The following PSPC1 variants were observed in gnomAD, a reference collection of about 807,000 sequenced individuals.
The protein encoded by PSPC1 is paraspeckle protein 1.
PSPC1 carries 14 observed loss-of-function variants against 51.6 expected under a neutral mutation model. The ratio of observed to expected loss-of-function variants is 0.27; its 90% CI spans 0.18 to 0.42. The LOEUF (loss-of-function observed/expected upper bound fraction) is 0.42. Among genes scored for constraint, PSPC1 ranks in the 10% least tolerant of loss-of-function variants. PSPC1 has a pLI of 1.00. For missense variants in PSPC1, 406 were observed against 701.1 expected (o/e 0.58, Z 4.75); for synonymous variants, 193 against 231.9 (o/e 0.83, Z 1.53).
At chr13:19,693,554 T>C (rs538591921) in intron 6 of PSPC1, among the ~76,000 whole-genome samples, 5 of 152,202 alleles carry the variant, frequency 3.3e-5, no homozygotes, top group South Asian at 2.1e-4. Context: ...AATAAATAAA[T>C]AAACAAGATA....
intron 5 of PSPC1, among the ~76,000 whole-genome samples, chr13:19,730,928 C>CA (rs375715028): frequency 1.1e-4 from 13 of 117,230 alleles, no homozygotes; most frequent in African/African-American, 4.1e-4. Flanking sequence ...GACTGGGCAA[C>CA]AGTGAGACCC....
chr13:19,742,928 A>G (rs112142817), intron 4 of PSPC1, among the ~76,000 whole-genome samples: 4 of 152,094 alleles, frequency 2.6e-5, no homozygotes, highest in Non-Finnish European at 4.4e-5. Flanking sequence ...CTTACGAAGA[A>G]GAGTGAGGAG....
intron 6 of PSPC1, among the ~76,000 whole-genome samples, chr13:19,715,043 CCACTA>C (rs1337651727): frequency 4.6e-5 from 7 of 152,140 alleles, no homozygotes; most frequent in African/African-American, 7.2e-5. Context: ...ACCATTCTTC[CCACTA>C]CACTAAAGGG....
chr13:19,770,411 GCAC>G (rs1566050719), intron 2 of PSPC1, among the ~76,000 whole-genome samples: 1 of 152,166 alleles, frequency 6.6e-6, no homozygotes, highest in Non-Finnish European at 1.5e-5. Flanking sequence ...TGTAATCCCA[GCAC>G]TTTGGGAGGC....
intron 5 of PSPC1, among the ~76,000 whole-genome samples, chr13:19,735,194 C>A (rs1490767158): frequency 6.6e-6 from 1 of 151,604 alleles, no homozygotes; most frequent in Non-Finnish European, 1.5e-5. Flanking sequence ...CGCCTATAAT[C>A]CCAGCTACTC....
chr13:19,729,853 T>G (rs1883832862), intron 6 of PSPC1, among the ~76,000 whole-genome samples: 1 of 152,184 alleles, frequency 6.6e-6, no homozygotes, highest in Non-Finnish European at 1.5e-5. Flanking sequence ...ATTGGCCATA[T>G]GTTTATAAGT....
downstream of PSPC1, chr13:19,674,707 CAT>C (rs1206309233): frequency 6.6e-6 from 1 of 152,188 alleles, no homozygotes. Flanking sequence ...AAGCAGGAGA[CAT>C]AGAGCAGACT....
At chr13:19,717,038 C>T (rs546617865) in intron 6 of PSPC1, among the ~76,000 whole-genome samples, 4 of 148,298 alleles carry the variant, frequency 2.7e-5, no homozygotes, top group African/African-American at 9.9e-5. Context: ...AAAAGCTTGG[C>T]GACACAGCAA....
At chr13:19,769,794 T>G (rs2138286395) in intron 2 of PSPC1, among the ~76,000 whole-genome samples, 1 of 152,088 alleles carries the variant, frequency 6.6e-6, no homozygotes, top group African/African-American at 2.4e-5. Flanking sequence ...AAACACCAAG[T>G]GTGGGTAAAA....
intron 6 of PSPC1, among the ~76,000 whole-genome samples, chr13:19,715,132 C>T (rs1053021368): frequency 6.6e-6 from 1 of 152,138 alleles, no homozygotes; most frequent in Admixed American, 6.6e-5. Context: ...TAAAACCTCG[C>T]TTTGGCTTAT....
intron 7 of PSPC1, among the ~76,000 whole-genome samples, chr13:19,707,866 TA>T (rs908924327): frequency 2.0e-5 from 3 of 152,140 alleles, no homozygotes; most frequent in Non-Finnish European, 2.9e-5. Context: ...ACCTTATTCC[TA>T]AAATCCTTAA....
rs561837877 is a variant in PSPC1, at chr13:19,771,756, G to C, written c.674+486C>G. Among the ~76,000 whole-genome samples the C allele has an allele frequency of 5.3e-5, 8 of 152,220 alleles. 1 individual carries two copies. The highest frequency in any genetic ancestry group is 1.9e-4 in the African/African-American group (8 of 41,546). On this transcript the variant is annotated intron_variant, in intron 2 of 8. Coordinates refer to ENST00000338910, the MANE Select transcript of PSPC1 (RefSeq NM_001354909.2). ...GAGCCTCAGCCTCCCCAGTAGCTGG[G>C]ACTACAGGCATGCACCACCACGCCC...
chr13:19,737,922 T>C (rs1320415643), intron 5 of PSPC1, among the ~76,000 whole-genome samples: 6 of 151,904 alleles, frequency 3.9e-5, no homozygotes, highest in African/African-American at 1.5e-4. Flanking sequence ...CCCATCTCTA[T>C]AAAAAAATAA....
chr13:19,763,142 A>G (rs1195262668), intron 2 of PSPC1, among the ~76,000 whole-genome samples: 1 of 151,544 alleles, frequency 6.6e-6, no homozygotes, highest in Non-Finnish European at 1.5e-5. Context: ...TGTTTACCAT[A>G]GGTATAATAA....
downstream of PSPC1, among the ~76,000 whole-genome samples, chr13:19,698,449 T>C (rs1879505468): frequency 6.6e-6 from 1 of 152,002 alleles, no homozygotes; most frequent in African/African-American, 2.4e-5. Flanking sequence ...ATTTAATGAA[T>C]AATTTGTCTT....
chr13:19,722,983 C>A (rs894098528), intron 6 of PSPC1, among the ~76,000 whole-genome samples: 1 of 151,952 alleles, frequency 6.6e-6, no homozygotes. Context: ...TAGTGGCGAG[C>A]ACCTGTAATC....
intron 4 of PSPC1, among the ~76,000 whole-genome samples, chr13:19,744,989 A>G (rs17241990): frequency 0.11 from 16,572 of 152,188 alleles, 1,036 homozygotes; most frequent in Middle Eastern, 0.15. Flanking sequence ...TAAACCAAAT[A>G]ACACTTTGAA....
chr13:19,695,669 T>C (rs1186546640), intron 6 of PSPC1, among the ~76,000 whole-genome samples: 3 of 152,122 alleles, frequency 2.0e-5, no homozygotes, highest in Non-Finnish European at 2.9e-5. Flanking sequence ...TTCAGTAATG[T>C]ATAAGATGAC....
chr13:19,671,419 T>A (rs1488598478), downstream of PSPC1: 1 of 709,498 alleles, frequency 1.4e-6, no homozygotes, highest in Non-Finnish European at 2.4e-6. Context: ...CCTGGGGTAG[T>A]GATGCTAGGT....
Sources: allele counts gnomAD v4.1 joint callset (sites outside exome capture counted in the v4.1 genomes callset), GRCh38; gene constraint gnomAD v4.1.1; transcripts MANE v1.5; gene names NCBI Gene and HGNC (gene_info 2026-07-23, HGNC 2026-07-21).